The following ITPR2 variants were observed in gnomAD, a reference collection of about 807,000 sequenced individuals.
ITPR2 encodes inositol 1,4,5-trisphosphate-gated calcium channel ITPR2.
ITPR2 carries 207 observed loss-of-function variants against 317.1 expected under a neutral mutation model. The observed-to-expected ratio is 0.65, with a 90% CI of 0.58 to 0.73. The LOEUF (loss-of-function observed/expected upper bound fraction) is 0.73, where lower values mean the gene tolerates loss of function less well. Ranked by LOEUF, ITPR2 falls within the 30% of genes least tolerant of loss-of-function variation. The pLI, the probability that ITPR2 is intolerant of heterozygous loss-of-function variation, is 0.00. For synonymous variants in ITPR2, 1,156 were observed against 1,149.1 expected (o/e 1.01, Z -0.12); for missense variants, 2,613 against 3,284.0 (o/e 0.80, Z 4.99).
At chr12:26,679,199 G>A (rs534816667) in intron 13 of ITPR2, among the ~76,000 whole-genome samples, 4 of 152,200 alleles carry the variant, frequency 2.6e-5, no homozygotes, top group South Asian at 4.2e-4. Flanking sequence ...TTGGAGGTGC[G>A]ACTGAATATA....
chr12:26,392,159 G>A (rs1196710644), intron 54 of ITPR2, among the ~76,000 whole-genome samples: 1 of 151,982 alleles, frequency 6.6e-6, no homozygotes, highest in African/African-American at 2.4e-5. Context: ...CCTTTTTCCA[G>A]CTGCCTGCTG....
At chr12:26,436,655 G>A (rs950471628) in intron 47 of ITPR2, among the ~76,000 whole-genome samples, 1 of 152,192 alleles carries the variant, frequency 6.6e-6, no homozygotes, top group Non-Finnish European at 1.5e-5. Flanking sequence ...TAATCTATCT[G>A]CAGAGCAGTT....
rs756770478 is a variant in ITPR2 at position 26,832,762 on chromosome 12, C to T, written c.20G>A (p.Ser7Asn). 1 of 1,602,366 alleles carries T rather than the reference C, an allele frequency of 6.2e-7. No individual in the cohort carries two copies. The highest frequency in any genetic ancestry group is 8.5e-7 in the Non-Finnish European group (1 of 1,175,096). The change falls in exon 1 of 57, where the codon AGC becomes AAC. Residue 7 changes from serine (S) to asparagine (N), a missense_variant. This residue lies in a region of ITPR2 where 515 missense variants were observed against 789.4 expected (regional missense o/e 0.65). Transcript: ENST00000381340. ...CACGATGTCCCCTATGTAGAGGAAG[C>T]TGGACATTTTCTCAGTCATGCTGCT... is the stretch of plus-strand genomic sequence containing the variant. MTEKMS[S>N]FLYIGDIVSL...
intron 55 of ITPR2, among the ~76,000 whole-genome samples, chr12:26,351,292 A>G (rs1244029238): frequency 6.6e-6 from 1 of 152,160 alleles, no homozygotes; most frequent in Non-Finnish European, 1.5e-5. Flanking sequence ...GTGGCATCAG[A>G]CTCAGGGACT....
chr12:26,459,186 T>C (rs1339651413), intron 45 of ITPR2, among the ~76,000 whole-genome samples: 1 of 152,216 alleles, frequency 6.6e-6, no homozygotes, highest in Non-Finnish European at 1.5e-5. Context: ...ACACTTCTGC[T>C]GAAGAGCAAT....
At chr12:26,552,251 T>G (rs1320967993) in intron 36 of ITPR2, among the ~76,000 whole-genome samples, 1 of 152,122 alleles carries the variant, frequency 6.6e-6, no homozygotes, top group East Asian at 1.9e-4. Flanking sequence ...TGCGGTGATG[T>G]GATCATAGCT....
In ITPR2 at chr12:26,340,240, A is replaced by G; in HGVS notation, c.7946T>C (p.Leu2649Pro). 6.2e-7 allele frequency: 1 copy of G among 1,611,934 alleles called. No individual in the cohort carries two copies. The highest frequency in any genetic ancestry group is 1.3e-5 in the African/African-American group (1 of 74,992). Reference protein sequence around the residue: ...GDSEQNEIRSLQEKLESTMSL... With the variant: ...GDSEQNEIRSPQEKLESTMSL... ...CATGGTCGATTCCAACTTCTCCTGA[A>G]GGCTCCGAATTTCATTTTGCTCACT... The change falls in exon 56 of 57, where the codon CTT becomes CCT. Residue 2649 changes from leucine to proline, a missense_variant. By Grantham distance (98) the Leu-to-Pro change is moderately conservative. Transcript: ENST00000381340.
At chr12:26,418,095 C>A (rs1258044570) in intron 50 of ITPR2, among the ~76,000 whole-genome samples, 1 of 152,186 alleles carries the variant, frequency 6.6e-6, no homozygotes, top group Non-Finnish European at 1.5e-5. Context: ...ATCTACTCTT[C>A]ACTGTGGCTC....
At chr12:26,619,365 C>T (rs1046635284) in intron 26 of ITPR2, among the ~76,000 whole-genome samples, 2 of 152,178 alleles carry the variant, frequency 1.3e-5, no homozygotes, top group African/African-American at 4.8e-5. Flanking sequence ...TTCTTCCCTG[C>T]TAGAAGAATC....
chr12:26,443,667 A>G lies in ITPR2; in HGVS notation c.6343-17T>C. 1.2e-6 allele frequency: 2 copies of G among 1,608,040 alleles called. No individual in the cohort carries two copies. Among genetic ancestry groups the G allele is most frequent in the Non-Finnish European group, 1.7e-6 (2 of 1,175,118 alleles). ...GCGGGCCAACTAGAGTAGGGAAAAA[A>G]TAAAGGTTTTAGGTCTTCTTTTCCC... On this transcript the variant is annotated splice_polypyrimidine_tract_variant and intron_variant, in intron 45 of 56. Coordinates refer to ENST00000381340, the MANE Select transcript of ITPR2 (RefSeq NM_002223.4).
At chr12:26,589,853 TACACACAC>T (rs56044866) in intron 32 of ITPR2, among the ~76,000 whole-genome samples, 4,110 of 56,576 alleles carry the variant, frequency 0.073, 287 homozygotes, top group Non-Finnish European at 0.095. Context: ...TATATATATA[TACACACAC>T]ACACACACAC....
chr12:26,458,201 C>T (rs1941935582), intron 45 of ITPR2, among the ~76,000 whole-genome samples: 1 of 152,138 alleles, frequency 6.6e-6, no homozygotes. Context: ...AAGATGGCAG[C>T]AGGAAGAAAC....
chr12:26,471,409 G>A (rs893680448), intron 45 of ITPR2, among the ~76,000 whole-genome samples: 1 of 152,190 alleles, frequency 6.6e-6, no homozygotes, highest in Non-Finnish European at 1.5e-5. Flanking sequence ...ATGGGGCAGA[G>A]AGACATAAGG....
intron 55 of ITPR2, among the ~76,000 whole-genome samples, chr12:26,370,836 G>A (rs1048947746): frequency 2.6e-5 from 4 of 152,084 alleles, no homozygotes; most frequent in African/African-American, 4.8e-5. Flanking sequence ...CACCACCACC[G>A]GCTAATTTTT....
intron 9 of ITPR2, among the ~76,000 whole-genome samples, chr12:26,710,643 ATCTG>A (rs997761672): frequency 1.3e-5 from 2 of 152,214 alleles, no homozygotes; most frequent in Non-Finnish European, 2.9e-5. Flanking sequence ...CATCCTTCAT[ATCTG>A]TCTGTCAACA....
intron 54 of ITPR2, among the ~76,000 whole-genome samples, chr12:26,391,896 G>A (rs1401016292): frequency 1.3e-5 from 2 of 152,008 alleles, no homozygotes; most frequent in Non-Finnish European, 2.9e-5. Flanking sequence ...AGAAACTAGT[G>A]TATTCAGAGC....
At chr12:26,363,982 T>C (rs1292720099) in intron 55 of ITPR2, among the ~76,000 whole-genome samples, 2 of 152,216 alleles carry the variant, frequency 1.3e-5, no homozygotes, top group East Asian at 1.9e-4. Flanking sequence ...TTAGGAAGAC[T>C]GCACTGAGCT....
intron 1 of ITPR2, among the ~76,000 whole-genome samples, chr12:26,790,568 A>G (rs539490042): frequency 5.3e-5 from 7 of 132,154 alleles, no homozygotes; most frequent in African/African-American, 1.1e-4. Context: ...TAACCAATCA[A>G]TAAGATACAT....
intron 1 of ITPR2, among the ~76,000 whole-genome samples, chr12:26,821,797 G>T (rs1200875650): frequency 6.6e-6 from 1 of 152,176 alleles, no homozygotes; most frequent in Admixed American, 6.6e-5. Flanking sequence ...AAGAGTTCCA[G>T]GGCAATTCAC....
Sources: allele counts gnomAD v4.1 joint callset (sites outside exome capture counted in the v4.1 genomes callset), GRCh38; gene constraint gnomAD v4.1.1; regional missense constraint gnomAD v4.1.1; transcripts MANE v1.5; gene names NCBI Gene and HGNC (gene_info 2026-07-23, HGNC 2026-07-21).